The following HYCC1 variants were observed in gnomAD, a reference collection of about 807,000 sequenced individuals.
HYCC1 encodes the protein hyccin.
the HYCC1 span, among the ~76,000 whole-genome samples, chr7:22,974,835 G>C: frequency 6.6e-6 from 1 of 152,166 alleles, no homozygotes; most frequent in Non-Finnish European, 1.5e-5. Flanking sequence ...ATGGGGTTGG[G>C]TTTTCCCATG....
chr7:22,937,090 T>C, the HYCC1 span: 1 of 152,106 alleles, frequency 6.6e-6, no homozygotes, highest in African/African-American at 2.4e-5. Flanking sequence ...GAAGAAAAAG[T>C]GGTGATGCTC....
chr7:22,969,650 T>C, the HYCC1 span, among the ~76,000 whole-genome samples: 2 of 151,648 alleles, frequency 1.3e-5, no homozygotes, highest in Admixed American at 6.6e-5. Context: ...CAGCCTCCCA[T>C]GTAGAAGGGA....
the HYCC1 span, among the ~76,000 whole-genome samples, chr7:22,999,961 G>A: frequency 6.6e-6 from 1 of 151,898 alleles, no homozygotes; most frequent in Non-Finnish European, 1.5e-5. Context: ...ACAATGAAAA[G>A]TTTAAAACAA....
chr7:22,943,508 A>G, the HYCC1 span: 15 of 152,188 alleles, frequency 9.9e-5, no homozygotes, highest in Non-Finnish European at 1.9e-4. Context: ...AAAGGTCTAG[A>G]GAGGTCTAAA....
chr7:22,996,211 T>G, the HYCC1 span, among the ~76,000 whole-genome samples: 1 of 150,736 alleles, frequency 6.6e-6, no homozygotes, highest in South Asian at 2.1e-4. Context: ...AAGAATCACT[T>G]GAACCCGGGA....
At chr7:22,998,816 T>C in the HYCC1 span, among the ~76,000 whole-genome samples, 1 of 152,146 alleles carries the variant, frequency 6.6e-6, no homozygotes, top group Admixed American at 6.6e-5. Flanking sequence ...GAACACACCA[T>C]GACATCAGAC....
chr7:22,902,901 A>G, the HYCC1 span, among the ~76,000 whole-genome samples: 1 of 152,162 alleles, frequency 6.6e-6, no homozygotes, highest in Non-Finnish European at 1.5e-5. Flanking sequence ...CATAAATGGA[A>G]GAAATGATAA....
chr7:22,906,047 A>C, the HYCC1 span, among the ~76,000 whole-genome samples: 1 of 152,200 alleles, frequency 6.6e-6, no homozygotes, highest in African/African-American at 2.4e-5. Flanking sequence ...CAGTGCCATT[A>C]CTGATGATCA....
chr7:22,968,604 GT>G, the HYCC1 span, among the ~76,000 whole-genome samples: 215 of 152,276 alleles, frequency 1.4e-3, no homozygotes, highest in Middle Eastern at 3.4e-3. Context: ...CCCTATAGGG[GT>G]ATGTAGAAGT....
chr7:22,947,268 A>G, the HYCC1 span: 3 of 1,538,958 alleles, frequency 1.9e-6, no homozygotes, highest in Non-Finnish European at 2.6e-6. Flanking sequence ...AGATGATAAG[A>G]CAAAATGATG....
chr7:22,956,487 T>A, the HYCC1 span, among the ~76,000 whole-genome samples: 1 of 151,842 alleles, frequency 6.6e-6, no homozygotes, highest in Admixed American at 6.6e-5. Flanking sequence ...TAACTTAAAC[T>A]GAAAAGTGGG....
the HYCC1 span, among the ~76,000 whole-genome samples, chr7:23,013,268 C>T: frequency 2.0e-5 from 3 of 152,174 alleles, no homozygotes; most frequent in African/African-American, 7.2e-5. Flanking sequence ...GGGGCAAGGG[C>T]TCAAGAAGAG....
chr7:22,966,877 A>G, the HYCC1 span, among the ~76,000 whole-genome samples: 1 of 152,348 alleles, frequency 6.6e-6, no homozygotes, highest in African/African-American at 2.4e-5. Context: ...AAACAGAAAA[A>G]TTAGCTGCAT....
chr7:22,908,154 T>C, the HYCC1 span, among the ~76,000 whole-genome samples: 1 of 152,148 alleles, frequency 6.6e-6, no homozygotes, highest in African/African-American at 2.4e-5. Context: ...TAAGAAGAGC[T>C]TAAGTGATGA....
chr7:22,901,780 GA>G, the HYCC1 span, among the ~76,000 whole-genome samples: 6 of 151,298 alleles, frequency 4.0e-5, no homozygotes, highest in Non-Finnish European at 5.9e-5. Flanking sequence ...AATACATGAA[GA>G]AAAAAAATTA....
the HYCC1 span, among the ~76,000 whole-genome samples, chr7:22,982,354 C>CT: frequency 6.6e-6 from 1 of 152,152 alleles, no homozygotes; most frequent in Non-Finnish European, 1.5e-5. Context: ...AATATACTCC[C>CT]TAATCCCTTC....
the HYCC1 span, among the ~76,000 whole-genome samples, chr7:22,981,919 C>T: frequency 6.6e-6 from 1 of 152,136 alleles, no homozygotes; most frequent in South Asian, 2.1e-4. Flanking sequence ...GTTTGAGAAA[C>T]ACTGCTCTGA....
the HYCC1 span, among the ~76,000 whole-genome samples, chr7:22,995,297 T>C: frequency 6.6e-6 from 1 of 152,100 alleles, no homozygotes; most frequent in African/African-American, 2.4e-5. Flanking sequence ...TTCTGGATGA[T>C]CTTAGCTCCT....
At chr7:23,010,026 C>T in the HYCC1 span, among the ~76,000 whole-genome samples, 1 of 152,110 alleles carries the variant, frequency 6.6e-6, no homozygotes, top group Non-Finnish European at 1.5e-5. Flanking sequence ...CATGATGATG[C>T]CAGGGATCTC....
Sources: allele counts gnomAD v4.1 joint callset (sites outside exome capture counted in the v4.1 genomes callset), GRCh38; gene constraint gnomAD v4.1.1; transcripts MANE v1.5; gene names NCBI Gene and HGNC (gene_info 2026-07-23, HGNC 2026-07-21).